The following IGSF21 variants were observed in gnomAD, a reference collection of about 807,000 sequenced individuals.
IGSF21 encodes immunoglobulin superfamily member 21.
Under a neutral mutation model 46.8 loss-of-function variants are expected in IGSF21, and 28 were observed. The observed-to-expected ratio is 0.60, with a 90% CI of 0.44 to 0.82. The LOEUF is 0.82. IGSF21 is among the 40% of genes least tolerant of loss of function. The pLI, the probability that IGSF21 is intolerant of heterozygous loss-of-function variation, is 0.00. For synonymous variants in IGSF21, 284 were observed against 273.6 expected, an observed-to-expected ratio of 1.04 and a Z score of -0.38; for missense variants, 624 against 665.5, an observed-to-expected ratio of 0.94 and a Z score of 0.69.
At position 18,376,828 on chromosome 1, in the gene IGSF21, C is replaced by T. The variant is rs143221156; in HGVS notation, c.1130C>T (p.Thr377Met). The change falls in exon 8 of 10, where the codon ACG becomes ATG. Residue 377 changes from threonine to methionine, a missense_variant. Transcript: ENST00000251296. Reference sequence around the variant, plus strand: ...GAAGTCTTCCCGGAGCCCATGTTCACGTGGACGCGGGTTGGGAGCCGCCTC... The same window carrying T: ...GAAGTCTTCCCGGAGCCCATGTTCATGTGGACGCGGGTTGGGAGCCGCCTC... Reference protein sequence around the residue: ...QNEVFPEPMFTWTRVGSRLLD... With the variant: ...QNEVFPEPMFMWTRVGSRLLD... 4.4e-6 allele frequency: 7 copies of T among 1,602,416 alleles called. No homozygotes were observed. Among genetic ancestry groups the T allele is most frequent in the Non-Finnish European group, 6.0e-6 (7 of 1,171,070 alleles).
In IGSF21 at chr1:18,365,201, C is replaced by T; in HGVS notation, c.541-22C>T. 6.4e-7 allele frequency: 1 copy of T among 1,562,458 alleles called. No homozygotes were observed. The highest frequency in any genetic ancestry group is 8.7e-7 in the Non-Finnish European group (1 of 1,146,476). On this transcript the variant is annotated intron_variant, in intron 5 of 9. Coordinates refer to ENST00000251296, the MANE Select transcript of IGSF21 (RefSeq NM_032880.5). This position sits in a 1 kb window ranked among gnomAD's most constrained non-coding sequence, Gnocchi z 4.8. ...AGTTAGTAGCACAAAATCATTTTCCCACACCCTCCTTACAATGGCAGGTTT... is the reference window on the plus strand; with the variant it reads ...AGTTAGTAGCACAAAATCATTTTCCTACACCCTCCTTACAATGGCAGGTTT...
chr1:18,378,054 G>T (rs1339814094), intron 9 of IGSF21, among the ~76,000 whole-genome samples: 1 of 152,202 alleles, frequency 6.6e-6, no homozygotes, highest in Non-Finnish European at 1.5e-5. Flanking sequence ...TGGCCTCTAG[G>T]AAATCTGACC....
At chr1:18,367,965 G>T (rs2086184967) in intron 6 of IGSF21, among the ~76,000 whole-genome samples, 1 of 151,998 alleles carries the variant, frequency 6.6e-6, no homozygotes, top group African/African-American at 2.4e-5. Flanking sequence ...CTAACATTTA[G>T]TGAGCACCTA....
intron 2 of IGSF21, among the ~76,000 whole-genome samples, chr1:18,243,981 G>A (rs72932903): frequency 0.026 from 3,982 of 152,236 alleles, 142 homozygotes; most frequent in African/African-American, 0.083. Flanking sequence ...CACTGACCTC[G>A]TGGAGGGCCA....
At chr1:18,222,544 T>C (rs2084520814) in intron 1 of IGSF21, among the ~76,000 whole-genome samples, 1 of 152,152 alleles carries the variant, frequency 6.6e-6, no homozygotes, top group South Asian at 2.1e-4. Context: ...GGACCATGCT[T>C]TACCACTTTG....
At chr1:18,219,066 C>G (rs904057205) in intron 1 of IGSF21, among the ~76,000 whole-genome samples, 5 of 152,196 alleles carry the variant, frequency 3.3e-5, no homozygotes, top group African/African-American at 1.2e-4. Context: ...GAAACTCACA[C>G]ACACAGTCTC....
chr1:18,298,329 TA>T (rs1199868448), intron 3 of IGSF21, among the ~76,000 whole-genome samples: 2 of 152,108 alleles, frequency 1.3e-5, no homozygotes, highest in Non-Finnish European at 2.9e-5. Flanking sequence ...GACTTCCAGG[TA>T]TAAAGTATTC....
At chr1:18,314,536 T>G (rs1223028826) in intron 3 of IGSF21, among the ~76,000 whole-genome samples, 1 of 152,200 alleles carries the variant, frequency 6.6e-6, no homozygotes, top group East Asian at 1.9e-4. Context: ...CTACAGGAAC[T>G]CACTTAAACC....
intron 2 of IGSF21, among the ~76,000 whole-genome samples, chr1:18,234,254 C>T (rs2084653450): frequency 6.6e-6 from 1 of 152,194 alleles, no homozygotes; most frequent in South Asian, 2.1e-4. Flanking sequence ...ACCCAACTTG[C>T]CTTGTCTAGG....
chr1:18,233,701 G>C (rs549478762), intron 2 of IGSF21, among the ~76,000 whole-genome samples: 1 of 152,208 alleles, frequency 6.6e-6, no homozygotes, highest in African/African-American at 2.4e-5. Context: ...AAGGTATTTG[G>C]GGAGGATCAC....
chr1:18,108,080 A>ACCGCCTCCACCCCCGCCGCCC lies in IGSF21; in HGVS notation c.-47_-27dup. The ACCGCCTCCACCCCCGCCGCCC allele has an allele frequency of 1.1e-6, 1 of 922,550 alleles. No individual in the cohort carries two copies. Among genetic ancestry groups the ACCGCCTCCACCCCCGCCGCCC allele is most frequent in the Non-Finnish European group, 1.5e-6 (1 of 665,414 alleles). The allele number at this position is 922,550 out of a possible 1,614,324, so 57.1% of individuals were successfully genotyped here. ...GCCCATGGCGAGGGGACCCGCCGCC[A>ACCGCCTCCACCCCCGCCGCCC]CCGCCTCCACCCCCGCCGCCCCGCC... is the stretch of plus-strand genomic sequence containing the variant. On this transcript the variant is annotated 5_prime_UTR_variant, in exon 1 of 10. Coordinates refer to ENST00000251296, the MANE Select transcript of IGSF21 (RefSeq NM_032880.5).
At chr1:18,210,005 G>A (rs950627685) in intron 1 of IGSF21, among the ~76,000 whole-genome samples, 6 of 152,020 alleles carry the variant, frequency 3.9e-5, no homozygotes, top group African/African-American at 1.2e-4. Flanking sequence ...TCAATGAGAC[G>A]TCTACAGTCT....
chr1:18,120,351 G>A (rs1423801102), intron 1 of IGSF21, among the ~76,000 whole-genome samples: 1 of 152,196 alleles, frequency 6.6e-6, no homozygotes, highest in Non-Finnish European at 1.5e-5. Flanking sequence ...GCTGGAGGGA[G>A]AAATACCCCA....
chr1:18,317,576 G>C (rs1226902771), intron 3 of IGSF21, among the ~76,000 whole-genome samples: 1 of 152,174 alleles, frequency 6.6e-6, no homozygotes, highest in Non-Finnish European at 1.5e-5. Flanking sequence ...GTCAAGAGCC[G>C]CATCTATGCA....
At chr1:18,282,301 G>C (rs1177507998) in intron 2 of IGSF21, among the ~76,000 whole-genome samples, 1 of 152,062 alleles carries the variant, frequency 6.6e-6, no homozygotes, top group Admixed American at 6.5e-5. Context: ...TGGGCTTCCG[G>C]GGAAACTGAC....
chr1:18,232,028 G>A (rs2084632503), intron 2 of IGSF21, among the ~76,000 whole-genome samples: 1 of 150,472 alleles, frequency 6.6e-6, no homozygotes, highest in South Asian at 2.1e-4. Flanking sequence ...ACATAAAGAT[G>A]TCAAGAGAGT....
Position 18,263,095 on chromosome 1 carries a change from G to T in IGSF21, c.184-28771G>T, listed in dbSNP as rs112557767. On this transcript the variant is annotated intron_variant, in intron 2 of 9. Coordinates refer to ENST00000251296, the MANE Select transcript of IGSF21 (RefSeq NM_032880.5). ...AATCAAGAATTTCAGGTGGTGGGAG[G>T]TCGTGCAGAAAAGAGGAGAGGTCAA... Among the ~76,000 whole-genome samples the T allele has an allele frequency of 6.0e-3, 921 of 152,294 alleles. 8 individuals are homozygous for T. The highest frequency in any genetic ancestry group is 0.021 in the African/African-American group (866 of 41,544).
At chr1:18,262,308 C>T (rs931090438) in intron 2 of IGSF21, among the ~76,000 whole-genome samples, 1 of 152,146 alleles carries the variant, frequency 6.6e-6, no homozygotes, top group Non-Finnish European at 1.5e-5. Context: ...GGATAAAGAA[C>T]CTGAGGCAGA....
chr1:18,171,559 T>G (rs960476201), intron 1 of IGSF21, among the ~76,000 whole-genome samples: 7 of 152,260 alleles, frequency 4.6e-5, no homozygotes, highest in African/African-American at 1.4e-4. Context: ...TAGCCACGAG[T>G]GACTTTTCCT....
Sources: gnomAD v4.1 joint callset for allele counts (sites outside exome capture counted in the v4.1 genomes callset) on GRCh38, gnomAD v4.1.1 for gene constraint, Gnocchi (gnomAD v3.1) non-coding constraint, MANE v1.5 for transcripts, NCBI Gene and HGNC (gene_info 2026-07-23, HGNC 2026-07-21) for gene names.